The following OTOGL variants were observed in gnomAD, a reference collection of about 807,000 sequenced individuals.
OTOGL encodes otogelin like, also known as otogelin-like protein.
OTOGL carries 285 observed loss-of-function variants against 318.5 expected under a neutral mutation model. The ratio of observed to expected loss-of-function variants is 0.89; its 90% CI spans 0.81 to 0.99. The LOEUF (loss-of-function observed/expected upper bound fraction) is 0.99. Ranked by LOEUF, OTOGL falls within the 50% of genes least tolerant of loss-of-function variation. The pLI, the probability that OTOGL is intolerant of heterozygous loss-of-function variation, is 0.00. For synonymous variants in OTOGL, 987 were observed against 936.5 expected, an observed-to-expected ratio of 1.05 and a Z score of -0.99; for missense variants, 2,899 against 2,845.6, an observed-to-expected ratio of 1.02 and a Z score of -0.43.
At chr12:80,227,324 G>A (rs768542378) in intron 7 of OTOGL, among the ~76,000 whole-genome samples, 2 of 152,020 alleles carry the variant, frequency 1.3e-5, no homozygotes, top group Non-Finnish European at 2.9e-5. Flanking sequence ...GTCAAGGATG[G>A]CATATATAAT....
intron 33 of OTOGL, 80 bp downstream of exon 33, chr12:80,318,793 T>G (rs2137824973): frequency 9.8e-7 from 1 of 1,016,796 alleles, no homozygotes; most frequent in East Asian, 3.3e-5. Context: ...TAATTGAGAA[T>G]CTAATATGTT....
At chr12:80,270,916 A>T (rs1883359314) in intron 23 of OTOGL, among the ~76,000 whole-genome samples, 1 of 151,940 alleles carries the variant, frequency 6.6e-6, no homozygotes, top group Admixed American at 6.6e-5. Flanking sequence ...GGCTAATAAA[A>T]GTAATTGTAA....
chr12:80,259,894 T>C (rs1882387222), intron 18 of OTOGL, among the ~76,000 whole-genome samples: 1 of 152,130 alleles, frequency 6.6e-6, no homozygotes, highest in Non-Finnish European at 1.5e-5. Flanking sequence ...GCTCCTCATC[T>C]TTCTTGTGAC....
rs1369405858 is a variant in OTOGL at position 80,251,778 on chromosome 12, A to T, written c.1138A>T (p.Arg380Ter). ...SHAGYPIQDW[R>*]DDFPACTDKC... The stretch of plus-strand genomic sequence containing the variant: ...TGCTGGCTACCCTATTCAAGACTGG[A>T]GAGATGACTTTCCAGCATGCAGTAT... Residue 380 changes from arginine (R) to a stop codon, truncating the protein, a stop_gained, in exon 12 of 59, where the codon AGA becomes TGA. Transcript: ENST00000547103. LOFTEE classifies it high-confidence loss of function. 1.8e-5 allele frequency: 29 copies of T among 1,584,470 alleles called. No individual in the cohort carries two copies. The highest frequency in any genetic ancestry group is 2.5e-5 in the Non-Finnish European group (29 of 1,163,938).
chr12:80,216,574 C>CT (rs1461661354), intron 4 of OTOGL, among the ~76,000 whole-genome samples: 1 of 152,100 alleles, frequency 6.6e-6, no homozygotes. Context: ...ACATAAATCT[C>CT]TTTTTTGCTA....
chr12:80,275,905 T>C (rs993208703), intron 24 of OTOGL, among the ~76,000 whole-genome samples: 1 of 151,842 alleles, frequency 6.6e-6, no homozygotes, highest in African/African-American at 2.4e-5. Flanking sequence ...AATGCTATTA[T>C]GCATTTAATA....
intron 32 of OTOGL, among the ~76,000 whole-genome samples, chr12:80,315,553 C>T (rs1296253615): frequency 1.3e-5 from 2 of 152,076 alleles, no homozygotes; most frequent in Non-Finnish European, 2.9e-5. Context: ...GGGAAGTATC[C>T]ATTTTGTCAG....
rs147378134 is a variant in OTOGL, at chr12:80,275,430, G to A, written c.2682-2738G>A. Among the ~76,000 whole-genome samples, 130 of 152,054 alleles carry A rather than the reference G, an allele frequency of 8.5e-4. 2 individuals carry two copies. The East Asian group carries it at 0.021, about 24-fold the overall frequency. ...TCAATCTCATGATAAAACTTGAATG[G>A]ACGAGGAGTTGCTTCTTATAGATGA... On this transcript the variant is annotated intron_variant, in intron 24 of 58. Coordinates refer to ENST00000547103, the MANE Select transcript of OTOGL (RefSeq NM_001378609.3).
At chr12:80,127,449 C>A (rs1274193515) in intron 1 of OTOGL, among the ~76,000 whole-genome samples, 1 of 152,178 alleles carries the variant, frequency 6.6e-6, no homozygotes, top group Non-Finnish European at 1.5e-5. Flanking sequence ...GGGTAACCCA[C>A]CTTTCTCTCT....
intron 37 of OTOGL, 34 bp from the exon 38 acceptor site, chr12:80,332,971 C>G (rs1022975014): frequency 1.3e-6 from 2 of 1,504,814 alleles, no homozygotes; most frequent in African/African-American, 2.8e-5. Context: ...TAAATGCATT[C>G]CACTAATGAG....
chr12:80,276,709 T>C (rs1883836000), intron 24 of OTOGL, among the ~76,000 whole-genome samples: 1 of 151,550 alleles, frequency 6.6e-6, no homozygotes, highest in Non-Finnish European at 1.5e-5. Context: ...ATCGAGGTCA[T>C]TGTTGGTCGG....
intron 1 of OTOGL, among the ~76,000 whole-genome samples, chr12:80,140,606 C>T (rs753327936): frequency 1.3e-5 from 2 of 152,142 alleles, no homozygotes; most frequent in Non-Finnish European, 2.9e-5. Flanking sequence ...TGATCTTGGG[C>T]AAGTTACTTC....
chr12:80,139,640 C>T (rs756066343), intron 1 of OTOGL, among the ~76,000 whole-genome samples: 1 of 152,064 alleles, frequency 6.6e-6, no homozygotes, highest in Non-Finnish European at 1.5e-5. Context: ...CAAATTCAAG[C>T]TCTTTGAGGG....
At chr12:80,114,819 A>G (rs184496934) in intron 1 of OTOGL, among the ~76,000 whole-genome samples, 1 of 150,070 alleles carries the variant, frequency 6.7e-6, no homozygotes, top group African/African-American at 2.4e-5. Context: ...GTTCCTTTTC[A>G]TTTTTTTTTC....
intron 30 of OTOGL, among the ~76,000 whole-genome samples, chr12:80,312,635 A>G (rs2137798094): frequency 6.6e-6 from 1 of 152,288 alleles, no homozygotes; most frequent in African/African-American, 2.4e-5. Flanking sequence ...GTTGCTTTTG[A>G]GACTTTTCAG....
chr12:80,288,216 A>G (rs912528658), intron 26 of OTOGL, among the ~76,000 whole-genome samples: 2 of 152,156 alleles, frequency 1.3e-5, no homozygotes, highest in Admixed American at 1.3e-4. Context: ...AAGAATGTTG[A>G]ATATTGGCCC....
At chr12:80,167,046 T>G (rs909736523) in intron 1 of OTOGL, among the ~76,000 whole-genome samples, 10 of 152,230 alleles carry the variant, frequency 6.6e-5, no homozygotes, top group African/African-American at 2.4e-4. Context: ...TATCTTTTTT[T>G]GCATTGATTT....
At chr12:80,128,480 G>T (rs902969524) in intron 1 of OTOGL, among the ~76,000 whole-genome samples, 7 of 152,264 alleles carry the variant, frequency 4.6e-5, no homozygotes, top group Admixed American at 2.0e-4. Context: ...TAGGGTACTC[G>T]GGGGTCAGGG....
chr12:80,143,606 G>A (rs539176557), intron 1 of OTOGL, among the ~76,000 whole-genome samples: 1 of 152,292 alleles, frequency 6.6e-6, no homozygotes, highest in African/African-American at 2.4e-5. Flanking sequence ...TGAGTGCTGG[G>A]GCTGAGAAAC....
Sources: allele counts gnomAD v4.1 joint callset (sites outside exome capture counted in the v4.1 genomes callset), GRCh38; gene constraint gnomAD v4.1.1; transcripts MANE v1.5; gene names NCBI Gene and HGNC (gene_info 2026-07-23, HGNC 2026-07-21).